The following TMED10 variants were observed in gnomAD, a reference collection of about 807,000 sequenced individuals.
TMED10 encodes transmembrane p24 trafficking protein 10, also known as transmembrane emp24 domain-containing protein 10.
Under a neutral mutation model 23.1 loss-of-function variants are expected in TMED10, and 7 were observed. The ratio of observed to expected loss-of-function variants is 0.30; its 90% CI spans 0.17 to 0.57. The LOEUF (loss-of-function observed/expected upper bound fraction) is 0.57. TMED10 is among the 20% of genes least tolerant of loss of function. The pLI is 0.91. For missense variants in TMED10, 162 were observed against 274.8 expected (o/e 0.59, Z 2.90); for synonymous variants, 113 against 106.9 (o/e 1.06, Z -0.35).
chr14:75,138,026 A>G (rs1895774756), intron 3 of TMED10, among the ~76,000 whole-genome samples: 1 of 152,108 alleles, frequency 6.6e-6, no homozygotes, highest in Non-Finnish European at 1.5e-5. Flanking sequence ...TTCTGTTTAT[A>G]TATCTGCTTC....
chr14:75,161,140 C>A (rs183562755), intron 1 of TMED10, among the ~76,000 whole-genome samples: 6 of 152,268 alleles, frequency 3.9e-5, no homozygotes, highest in South Asian at 2.1e-4. Flanking sequence ...GTGAGAAGTG[C>A]GAAAACAGGT....
rs1192077999 is a variant in TMED10 at position 75,135,899 on chromosome 14, G to A, written c.412-13C>T. On this transcript the variant is annotated splice_polypyrimidine_tract_variant and intron_variant, in intron 3 of 4. Coordinates refer to ENST00000303575, the MANE Select transcript of TMED10 (RefSeq NM_006827.6). ...CAACTTTTGCAATCTGGAAAAGAAT[G>A]GAATATTTTCAGCTCTCTGAAAACA... 1.2e-6 allele frequency: 2 copies of A among 1,612,994 alleles called. No individual in the cohort carries two copies. Among genetic ancestry groups the A allele is most frequent in the African/African-American group, 1.3e-5 (1 of 74,990 alleles).
intron 2 of TMED10, among the ~76,000 whole-genome samples, chr14:75,150,494 G>A (rs1895942389): frequency 6.6e-6 from 1 of 152,176 alleles, no homozygotes; most frequent in Non-Finnish European, 1.5e-5. Flanking sequence ...CAGTTCAGTC[G>A]AGGACAGACT....
rs549966894 is a variant in TMED10 at position 75,135,595 on chromosome 14, C to A, written c.538+165G>T. On this transcript the variant is annotated intron_variant, in intron 4 of 4. Transcript: ENST00000303575. ...TAGGAGTTTCTACTCTCTTGAAAAT[C>A]TAACAAGGCTCATTTACCTTTAGCA... 15 of 934,860 alleles carry A rather than the reference C, an allele frequency of 1.6e-5. No homozygotes were observed. In the East Asian group the frequency reaches 2.2e-4, roughly 14 times the overall value. 57.9% of individuals were successfully genotyped at this position (934,860 alleles called of 1,614,324 possible). A position where few individuals can be genotyped will look rare whatever the true frequency, so the allele number is the denominator to read the frequency against.
intron 1 of TMED10, among the ~76,000 whole-genome samples, chr14:75,166,132 A>C (rs553190110): frequency 6.6e-6 from 1 of 152,208 alleles, no homozygotes; most frequent in Non-Finnish European, 1.5e-5. Context: ...ATTTACGGTA[A>C]AAACCTCCAG....
chr14:75,173,244 G>A (rs1263360488), intron 1 of TMED10, among the ~76,000 whole-genome samples: 2 of 152,150 alleles, frequency 1.3e-5, no homozygotes, highest in African/African-American at 2.4e-5. Flanking sequence ...AAAACTAGCC[G>A]GATATGGTGG....
chr14:75,162,743 T>C (rs904833091), intron 1 of TMED10, among the ~76,000 whole-genome samples: 3 of 152,066 alleles, frequency 2.0e-5, no homozygotes, highest in Non-Finnish European at 1.5e-5. Flanking sequence ...AGTATCAACG[T>C]GACAAATCAT....
At chr14:75,170,488 A>T (rs1896220157) in intron 1 of TMED10, among the ~76,000 whole-genome samples, 1 of 152,228 alleles carries the variant, frequency 6.6e-6, no homozygotes, top group Non-Finnish European at 1.5e-5. Context: ...GAAAACAAGG[A>T]TGCTATCAAA....
intron 3 of TMED10, among the ~76,000 whole-genome samples, chr14:75,138,595 T>G (rs150416500): frequency 1.1e-3 from 170 of 152,320 alleles, no homozygotes; most frequent in African/African-American, 3.8e-3. Context: ...GTCTAACATC[T>G]TCCCTCCTGC....
intron 3 of TMED10, among the ~76,000 whole-genome samples, chr14:75,141,612 G>T (rs1344836344): frequency 6.6e-6 from 1 of 152,120 alleles, no homozygotes; most frequent in Non-Finnish European, 1.5e-5. Context: ...AGGCTCTGAG[G>T]TATTAAATAA....
intron 3 of TMED10, 133 bp from the exon 4 acceptor site, chr14:75,136,019 T>C: frequency 1.5e-6 from 2 of 1,323,802 alleles, no homozygotes; most frequent in East Asian, 2.6e-5. Flanking sequence ...CCTAACATAT[T>C]TTAAAATTTG....
At chr14:75,151,681 C>T (rs1254951697) in intron 2 of TMED10, among the ~76,000 whole-genome samples, 2 of 152,192 alleles carry the variant, frequency 1.3e-5, no homozygotes, top group Non-Finnish European at 2.9e-5. Context: ...AATGATGAAC[C>T]TACATGGACA....
At chr14:75,135,617 A>G in intron 4 of TMED10, 143 bp downstream of exon 4, 3 of 1,144,330 alleles carry the variant, frequency 2.6e-6, no homozygotes, top group South Asian at 3.1e-5. Flanking sequence ...ATTTACCTTT[A>G]GCAGCAACAA....
rs1308349080 is a variant in TMED10, at chr14:75,133,430, CAT to C, written c.*1453_*1454del. ...CCATTGGAAATGCAAATTAAAACCA[CAT>C]GTGGTATCATTACACACATCTATGT... On this transcript the variant is annotated 3_prime_UTR_variant, in exon 5 of 5. Coordinates refer to ENST00000303575, the MANE Select transcript of TMED10 (RefSeq NM_006827.6). 3 of 152,124 alleles carry C rather than the reference CAT, an allele frequency of 2.0e-5. No individual in the cohort carries two copies. Among genetic ancestry groups the C allele is most frequent in the African/African-American group, 7.2e-5 (3 of 41,426 alleles). The allele number at this position is 152,124 out of a possible 1,614,324, so 9.4% of individuals were successfully genotyped here. A position where few individuals can be genotyped will look rare whatever the true frequency, so the allele number is the denominator to read the frequency against.
chr14:75,166,489 C>T (rs1896164773), intron 1 of TMED10, among the ~76,000 whole-genome samples: 1 of 152,198 alleles, frequency 6.6e-6, no homozygotes, highest in Non-Finnish European at 1.5e-5. Flanking sequence ...TTCCTAGAAA[C>T]CAGACTCAGT....
chr14:75,166,331 AC>A (rs1896162981), intron 1 of TMED10, among the ~76,000 whole-genome samples: 1 of 152,202 alleles, frequency 6.6e-6, no homozygotes, highest in Non-Finnish European at 1.5e-5. Context: ...GGCTGATTTC[AC>A]AGAGGGCTCT....
chr14:75,133,107 A>G lies in TMED10; in HGVS notation c.*1778T>C, dbSNP rs1249459168. ...ATGGCCCTCGATGTCTATTTTATACATCATATCTCTTAATTCTCTAGATGG... is the reference window on the plus strand; with the variant it reads ...ATGGCCCTCGATGTCTATTTTATACGTCATATCTCTTAATTCTCTAGATGG... On this transcript the variant is annotated 3_prime_UTR_variant, in exon 5 of 5. Coordinates refer to ENST00000303575, the MANE Select transcript of TMED10 (RefSeq NM_006827.6). 4 of 152,226 alleles carry G rather than the reference A, an allele frequency of 2.6e-5. No individual in the cohort carries two copies. The highest frequency in any genetic ancestry group is 9.6e-5 in the African/African-American group (4 of 41,458). 9.4% of individuals were successfully genotyped at this position (152,226 alleles called of 1,614,324 possible).
Position 75,165,778 on chromosome 14 carries a change from C to T in TMED10, c.225+10577G>A, listed in dbSNP as rs930423139. On this transcript the variant is annotated intron_variant, in intron 1 of 4. Coordinates refer to ENST00000303575, the MANE Select transcript of TMED10 (RefSeq NM_006827.6). ...TCTTTCAAATTTCTAGTACAGTTCA[C>T]TGATAGTATAACATAGTACATAAGT... 2.6e-5 allele frequency among the ~76,000 whole-genome samples: 4 copies of T among 152,276 alleles called. No individual in the cohort carries two copies. In the East Asian group the frequency reaches 7.7e-4, roughly 29 times the overall value.
intron 1 of TMED10, among the ~76,000 whole-genome samples, chr14:75,154,430 A>AAAAAAAAAAAAC (rs1895996502): frequency 6.9e-6 from 1 of 144,598 alleles, no homozygotes; most frequent in Non-Finnish European, 1.5e-5. Flanking sequence ...AAAAAAAAAA[A>AAAAAAAAAAAAC]GGCATGTATC....
Sources: gnomAD v4.1 joint callset for allele counts (sites outside exome capture counted in the v4.1 genomes callset) on GRCh38, gnomAD v4.1.1 for gene constraint, MANE v1.5 for transcripts, NCBI Gene and HGNC (gene_info 2026-07-23, HGNC 2026-07-21) for gene names.